Variants in MB observed in about 807,000 individuals in gnomAD.
MB encodes the protein myoglobin.
In MB, 10 loss-of-function variants were observed where a neutral mutation model predicts 14.5. That is an observed-to-expected ratio of 0.69 (90% CI 0.43 to 1.17). The LOEUF is 1.17. Among genes scored for constraint, MB ranks in the 50% most tolerant of loss-of-function variants. The pLI is 0.00. For synonymous variants in MB, 89 were observed against 78.6 expected, an observed-to-expected ratio of 1.13 and a Z score of -0.70; for missense variants, 169 against 192.7, an observed-to-expected ratio of 0.88 and a Z score of 0.73.
At chr22:35,617,538 G>T (rs981859970), upstream of MB, 2 of 417,090 alleles carry the variant, frequency 4.8e-6, no homozygotes, top group South Asian at 3.4e-5. Context: ...CAGGCCACAG[G>T]GGGTGGGGTG....
intron 1 of MB, among the ~76,000 whole-genome samples, chr22:35,614,910 G>A (rs369865700): frequency 1.4e-4 from 22 of 151,956 alleles, no homozygotes; most frequent in African/African-American, 3.1e-4. Flanking sequence ...TGTTCCCCCC[G>A]CTCCCCAAAA....
intron 1 of MB, chr22:35,615,825 G>T (rs1261550595): frequency 1.3e-5 from 2 of 152,216 alleles, no homozygotes; most frequent in African/African-American, 2.4e-5. Context: ...ATCCAACAGG[G>T]CCTGTTGCAG....
At chr22:35,617,128 T>TG (rs763537921) in intron 1 of MB, 35 bp downstream of exon 1, 2 of 1,526,404 alleles carry the variant, frequency 1.3e-6, no homozygotes, top group Non-Finnish European at 1.8e-6. Context: ...TCTTAGGGTG[T>TG]GGGTGGCAGG....
At chr22:35,610,384 C>T (rs1263381408) in intron 2 of MB, among the ~76,000 whole-genome samples, 1 of 152,222 alleles carries the variant, frequency 6.6e-6, no homozygotes, top group African/African-American at 2.4e-5. Context: ...TTGAGCCCCA[C>T]TTGCTGAGCT....
chr22:35,609,341 T>A (rs1601841168), intron 2 of MB, among the ~76,000 whole-genome samples: 1 of 151,060 alleles, frequency 6.6e-6, no homozygotes, highest in Non-Finnish European at 1.5e-5. Flanking sequence ...GGGCCTGGGG[T>A]TCCAAGCAGG....
At chr22:35,619,766 CG>C (rs1244847497), upstream of MB, among the ~76,000 whole-genome samples, 5 of 152,196 alleles carry the variant, frequency 3.3e-5, no homozygotes, top group African/African-American at 9.7e-5. Flanking sequence ...TGGGTCAGAA[CG>C]CCCTCTGTGT....
At chr22:35,622,284 G>T (rs574139772), upstream of MB, among the ~76,000 whole-genome samples, 14 of 144,284 alleles carry the variant, frequency 9.7e-5, no homozygotes, top group African/African-American at 3.6e-4. Context: ...AGCTTAGCTT[G>T]TGCCTCCCTG....
intron 1 of MB, among the ~76,000 whole-genome samples, chr22:35,614,770 C>T (rs1019751415): frequency 1.3e-5 from 2 of 151,896 alleles, no homozygotes; most frequent in African/African-American, 2.4e-5. Flanking sequence ...ATCACCATCA[C>T]CCAGGAATTT....
chr22:35,614,754 ATTAT>A, intron 1 of MB, among the ~76,000 whole-genome samples: 2 of 151,920 alleles, frequency 1.3e-5, no homozygotes, highest in African/African-American at 4.8e-5. Flanking sequence ...TATCATTATC[ATTAT>A]CATCACCATC....
chr22:35,607,571 G>C, intron 2 of MB, 128 bp from the exon 3 acceptor site: 1 of 811,288 alleles, frequency 1.2e-6, no homozygotes, highest in Non-Finnish European at 2.0e-6. Flanking sequence ...TAGGCACCAG[G>C]TGAGAGTCTG....
upstream of MB, among the ~76,000 whole-genome samples, chr22:35,618,996 C>T (rs1923290573): frequency 6.8e-6 from 1 of 147,696 alleles, no homozygotes; most frequent in African/African-American, 2.5e-5. Flanking sequence ...TTCATCATCC[C>T]CCCTCCATCC....
At chr22:35,619,903 G>T (rs1197985007), upstream of MB, among the ~76,000 whole-genome samples, 1 of 152,130 alleles carries the variant, frequency 6.6e-6, no homozygotes, top group Non-Finnish European at 1.5e-5. Context: ...CGACCAAAAG[G>T]GTCAGAGGCA....
chr22:35,611,400 T>A (rs1421251472), intron 1 of MB, among the ~76,000 whole-genome samples: 1 of 152,156 alleles, frequency 6.6e-6, no homozygotes, highest in African/African-American at 2.4e-5. Flanking sequence ...AGGCGTAAAG[T>A]CACCAGCTCA....
At chr22:35,617,043 TA>T in intron 1 of MB, 119 bp downstream of exon 1, 1 of 758,594 alleles carries the variant, frequency 1.3e-6, no homozygotes, top group Non-Finnish European at 2.4e-6. Context: ...GTGACCGTTC[TA>T]ACACCCTTAA....
chr22:35,610,477 G>A (rs979657635), intron 2 of MB, among the ~76,000 whole-genome samples: 1 of 152,144 alleles, frequency 6.6e-6, no homozygotes, highest in South Asian at 2.1e-4. Context: ...AGAGACCTGC[G>A]TTTGAATCTT....
In MB at chr22:35,610,962, C is replaced by A; in HGVS notation, c.240G>T (p.Lys80Asn). Residue 80 changes from lysine (K) to asparagine (N), a missense_variant, in exon 2 of 3, where the codon AAG (lysine) becomes AAT (asparagine). Transcript: ENST00000397326. Reference protein sequence around the residue: ...LTALGGILKKKGHHEAEIKPL... With the variant: ...LTALGGILKKNGHHEAEIKPL... ...GCTTAATCTCTGCCTCATGATGCCC[C>A]TTCTTCTTAAGGATGCCACCCAGGG... 1 of 1,614,206 alleles carries A rather than the reference C, an allele frequency of 6.2e-7. No individual in the cohort carries two copies. Among genetic ancestry groups the A allele is most frequent in the Non-Finnish European group, 8.5e-7 (1 of 1,180,036 alleles).
Position 35,613,787 on chromosome 22 carries a change from C to T in MB, c.96-2681G>A, listed in dbSNP as rs992368864. On this transcript the variant is annotated intron_variant, in intron 1 of 2. Transcript: ENST00000397326. ...TGCTGGGATTATAGGCCTGAGCCAC[C>T]CCACCCCACCCCATATTTACTTTAA... Among the ~76,000 whole-genome samples, 3 of 152,230 alleles carry T rather than the reference C, an allele frequency of 2.0e-5. No individual in the cohort carries two copies. The East Asian group carries it at 5.8e-4, about 29-fold the overall frequency.
intron 1 of MB, among the ~76,000 whole-genome samples, chr22:35,616,801 C>T (rs546935471): frequency 2.5e-4 from 38 of 152,238 alleles, no homozygotes; most frequent in Middle Eastern, 3.4e-3. Flanking sequence ...CTGGAAATGT[C>T]CTCCCCTTCT....
At chr22:35,615,228 C>T (rs45576439) in intron 1 of MB, among the ~76,000 whole-genome samples, 13,961 of 152,230 alleles carry the variant, frequency 0.092, 723 homozygotes, top group African/African-American at 0.13. Flanking sequence ...CCAACTCTCA[C>T]GGGTGGCATT....
Sources: gnomAD v4.1 joint callset for allele counts (sites outside exome capture counted in the v4.1 genomes callset) on GRCh38, gnomAD v4.1.1 for gene constraint, MANE v1.5 for transcripts, NCBI Gene and HGNC (gene_info 2026-07-23, HGNC 2026-07-21) for gene names.